The following MBL2 variants were observed in gnomAD, a reference collection of about 807,000 sequenced individuals.
The protein encoded by MBL2 is mannose-binding protein C.
In MBL2, 6 loss-of-function variants were observed where a neutral mutation model predicts 12.7. That is an observed-to-expected ratio of 0.47 (90% confidence interval 0.26 to 0.94). MBL2 has a LOEUF of 0.94. Among genes scored for constraint, MBL2 ranks in the 40% least tolerant of loss-of-function variants. The pLI is 0.15. For missense variants in MBL2, 307 were observed against 295.2 expected (o/e 1.04, Z -0.29); for synonymous variants, 114 against 112.0 (o/e 1.02, Z -0.11).
chr10:52,772,325 C>A (rs1224628785), intron 1 of MBL2, among the ~76,000 whole-genome samples: 3 of 152,100 alleles, frequency 2.0e-5, no homozygotes, highest in African/African-American at 7.2e-5. Flanking sequence ...GTGCTAAATA[C>A]CTCTCTACTT....
In MBL2 at chr10:52,768,125, T is replaced by A. The variant is rs752152264; in HGVS notation, c.*12A>T. ...AGTAAAAAGACAAGGAGGGCCTGAGTGATATGACCCTTCAGATAGGGAACT... is the reference window on the plus strand; with the variant it reads ...AGTAAAAAGACAAGGAGGGCCTGAGAGATATGACCCTTCAGATAGGGAACT... On this transcript the variant is annotated 3_prime_UTR_variant, in exon 5 of 5. Coordinates refer to ENST00000674931, the MANE Select transcript of MBL2 (RefSeq NM_001378373.1). 2 of 1,581,166 alleles carry A rather than the reference T, an allele frequency of 1.3e-6. No individual in the cohort carries two copies. The highest frequency in any genetic ancestry group is 2.2e-5 in the East Asian group (1 of 44,582).
Position 52,767,295 on chromosome 10 carries a change from C to G in MBL2, c.*842G>C, listed in dbSNP as rs775830842. The G allele has an allele frequency of 2.6e-5, 4 of 151,946 alleles. No homozygotes were observed. Among genetic ancestry groups the G allele is most frequent in the Non-Finnish European group, 5.9e-5 (4 of 68,012 alleles). 9.4% of individuals were successfully genotyped at this position (151,946 alleles called of 1,614,324 possible). A position where few individuals can be genotyped will look rare whatever the true frequency, so the allele number is the denominator to read the frequency against. On this transcript the variant is annotated 3_prime_UTR_variant, in exon 5 of 5. Transcript: ENST00000674931. Reference sequence around the variant, plus strand: ...ACTGAGGAATATTAATATAAGGGAACCCTACATGGCAATGAAAAGGATGAA... The same window carrying G: ...ACTGAGGAATATTAATATAAGGGAAGCCTACATGGCAATGAAAAGGATGAA...
rs1564436810 is a variant in MBL2 at position 52,771,734 on chromosome 10, G to C, written c.-9-90C>G. Reference sequence around the variant, plus strand: ...CCTCTGTCCTACAATCTGGGTGCAGGCTATATAGAAATAGATGACCCATCC... The same window carrying C: ...CCTCTGTCCTACAATCTGGGTGCAGCCTATATAGAAATAGATGACCCATCC... On this transcript the variant is annotated intron_variant, in intron 1 of 4. Coordinates refer to ENST00000674931, the MANE Select transcript of MBL2 (RefSeq NM_001378373.1). 3 of 1,474,608 alleles carry C rather than the reference G, an allele frequency of 2.0e-6. No individual in the cohort carries two copies. The East Asian group carries it at 7.5e-5, about 37-fold the overall frequency. 91.3% of individuals were successfully genotyped at this position (1,474,608 alleles called of 1,614,324 possible). A position where few individuals can be genotyped will look rare whatever the true frequency, so the allele number is the denominator to read the frequency against.
intron 2 of MBL2, among the ~76,000 whole-genome samples, 190 bp from the exon 3 acceptor site, chr10:52,770,976 G>A (rs1250003100): frequency 6.6e-6 from 1 of 152,208 alleles, no homozygotes; most frequent in Non-Finnish European, 1.5e-5. Flanking sequence ...TTGCCACGTG[G>A]AGGTTGCTGC....
intron 2 of MBL2, 127 bp downstream of exon 2, chr10:52,771,322 A>G: frequency 9.5e-7 from 1 of 1,051,120 alleles, no homozygotes; most frequent in Non-Finnish European, 1.4e-6. Flanking sequence ...TGAGAGCTGA[A>G]TCTCTGTTTT....
At chr10:52,772,697 T>C (rs931435797) in intron 1 of MBL2, 40 bp downstream of exon 1, 1 of 984,522 alleles carries the variant, frequency 1.0e-6, no homozygotes, top group African/African-American at 1.7e-5. Context: ...CCCAAACCCT[T>C]GATCCGGAAA....
rs577754412 is a variant in MBL2 at position 52,767,333 on chromosome 10, A to G, written c.*804T>C. 131 of 152,168 alleles carry G rather than the reference A, an allele frequency of 8.6e-4. 1 individual carries two copies. Among genetic ancestry groups the G allele is most frequent in the African/African-American group, 2.9e-3 (121 of 41,428 alleles). The allele number at this position is 152,168 out of a possible 1,614,324, so 9.4% of individuals were successfully genotyped here. The stretch of plus-strand genomic sequence containing the variant: ...TGAAAAGGATGAAACTTTTGTACAC[A>G]TGACATGAATGAATCTCACAGACTT... On this transcript the variant is annotated 3_prime_UTR_variant, in exon 5 of 5. Transcript: ENST00000674931.
Position 52,767,667 on chromosome 10 carries a change from T to C in MBL2, c.*470A>G, listed in dbSNP as rs1486042704. 1 of 152,260 alleles carries C rather than the reference T, an allele frequency of 6.6e-6. No individual in the cohort carries two copies. Among genetic ancestry groups the C allele is most frequent in the Admixed American group, 6.5e-5 (1 of 15,276 alleles). 9.4% of individuals were successfully genotyped at this position (152,260 alleles called of 1,614,324 possible). A position where few individuals can be genotyped will look rare whatever the true frequency, so the allele number is the denominator to read the frequency against. On this transcript the variant is annotated 3_prime_UTR_variant, in exon 5 of 5. Transcript: ENST00000674931. ...AGAAAACAGAGTTCATAGAGAAAGT[T>C]ACAAAATAGATTTTCTTAATACCTG...
At position 52,770,818 on chromosome 10, in the gene MBL2, A is replaced by G. The variant is rs1840379653; in HGVS notation, c.188-32T>C. 13 of 1,202,250 alleles carry G rather than the reference A, an allele frequency of 1.1e-5. No homozygotes were observed. In the East Asian group the frequency reaches 3.0e-4, roughly 28 times the overall value. 74.5% of individuals were successfully genotyped at this position (1,202,250 alleles called of 1,614,324 possible). A position where few individuals can be genotyped will look rare whatever the true frequency, so the allele number is the denominator to read the frequency against. On this transcript the variant is annotated intron_variant, in intron 2 of 4. Coordinates refer to ENST00000674931, the MANE Select transcript of MBL2 (RefSeq NM_001378373.1). ...GAAGACAAAGGAAATGTGACTTAATATCTATGTTCTTGCTCTCTCTCTTCA... is the reference window on the plus strand; with the variant it reads ...GAAGACAAAGGAAATGTGACTTAATGTCTATGTTCTTGCTCTCTCTCTTCA...
chr10:52,769,352 G>GAACAAAGTA, intron 3 of MBL2, 37 bp from the exon 4 acceptor site: 1 of 1,380,296 alleles, frequency 7.2e-7, no homozygotes, highest in Admixed American at 1.7e-5. Flanking sequence ...GCATTGTTGA[G>GAACAAAGTA]AAGGAGCCTC....
At position 52,768,080 on chromosome 10, in the gene MBL2, A is replaced by G. The variant is rs1212531738; in HGVS notation, c.*57T>C. 31 of 1,517,214 alleles carry G rather than the reference A, an allele frequency of 2.0e-5. No homozygotes were observed. Among genetic ancestry groups the G allele is most frequent in the Non-Finnish European group, 2.7e-5 (31 of 1,133,178 alleles). 94.0% of individuals were successfully genotyped at this position (1,517,214 alleles called of 1,614,324 possible). A position where few individuals can be genotyped will look rare whatever the true frequency, so the allele number is the denominator to read the frequency against. On this transcript the variant is annotated 3_prime_UTR_variant, in exon 5 of 5. Transcript: ENST00000674931. ...TGATATAATTTATCTTTTCAAGCAT[A>G]CTGTGGGCCTGTGGGTTGCAGTAAA...
chr10:52,771,637 G>C lies in MBL2; in HGVS notation c.-2C>G. The C allele has an allele frequency of 6.2e-7, 1 of 1,612,954 alleles. No homozygotes were observed. The highest frequency in any genetic ancestry group is 8.5e-7 in the Non-Finnish European group (1 of 1,179,354). On this transcript the variant is annotated 5_prime_UTR_variant, in exon 2 of 5. Coordinates refer to ENST00000674931, the MANE Select transcript of MBL2 (RefSeq NM_001378373.1). ...AGGGAGTGATGGAAACAGGGACATGGTCCTCACCTTGGTGTGAGAAAACTC... is the reference window on the plus strand; with the variant it reads ...AGGGAGTGATGGAAACAGGGACATGCTCCTCACCTTGGTGTGAGAAAACTC...
chr10:52,768,257 G>A lies in MBL2; in HGVS notation c.627C>T (p.Asn209=), dbSNP rs370867162. ...TGNRLTYTNW[N]EGEPNNAGSD... Reference sequence around the variant, plus strand: ...AACCAGCATTGTTGGGTTCACCCTCGTTCCAGTTTGTGTAGGTCAGTCTAT... The same window carrying A: ...AACCAGCATTGTTGGGTTCACCCTCATTCCAGTTTGTGTAGGTCAGTCTAT... Residue 209 remains asparagine (N), a synonymous_variant, in exon 5 of 5, where the codon AAC becomes AAT. Transcript: ENST00000674931. 4.2e-5 allele frequency: 68 copies of A among 1,613,802 alleles called. No homozygotes were observed. The highest frequency in any genetic ancestry group is 1.1e-4 in the East Asian group (5 of 44,878).
intron 4 of MBL2, 42 bp from the exon 5 acceptor site, chr10:52,768,552 C>A (rs1589870470): frequency 2.1e-6 from 3 of 1,430,208 alleles, no homozygotes; most frequent in Non-Finnish European, 2.8e-6. Flanking sequence ...CATCCTTAAG[C>A]CCAACTCAAG....
At position 52,771,455 on chromosome 10, in the gene MBL2, C is replaced by A. The variant is rs774585786; in HGVS notation, c.181G>T (p.Glu61Ter). 5.6e-6 allele frequency: 9 copies of A among 1,613,694 alleles called. No individual in the cohort carries two copies. The South Asian group carries it at 7.7e-5, about 14-fold the overall frequency. ...AGAACAGCCCAACACGTACCTGGTT[C>A]CCCCTTTTCTCCCTTGGTGCCATCA... The part of the protein sequence containing the change: ...GRDGTKGEKG[E>*]PGQGLRGLQG... Residue 61 changes from glutamate to a stop codon, truncating the protein, a stop_gained, in exon 2 of 5, where the codon GAA (glutamate) becomes TAA (stop). Coordinates refer to ENST00000674931, the MANE Select transcript of MBL2 (RefSeq NM_001378373.1). LOFTEE classifies it high-confidence loss of function.
Position 52,766,555 on chromosome 10 carries a change from A to G in MBL2, c.*1582T>C, listed in dbSNP as rs920163824. ...ATATCTTCATGATTTCAAAATCATG[A>G]AAAATCTCTTCATGGTTTCAAAATC... On this transcript the variant is annotated 3_prime_UTR_variant, in exon 5 of 5. Transcript: ENST00000674931. 1 of 152,176 alleles carries G rather than the reference A, an allele frequency of 6.6e-6. No individual in the cohort carries two copies. The highest frequency in any genetic ancestry group is 2.4e-5 in the African/African-American group (1 of 41,454). The allele number at this position is 152,176 out of a possible 1,614,324, so 9.4% of individuals were successfully genotyped here.
Position 52,768,250 on chromosome 10 carries a change from C to A in MBL2, c.634G>T (p.Glu212Ter). Residue 212 changes from glutamate (E) to a stop codon, truncating the protein, a stop_gained, in exon 5 of 5, where the codon GAA becomes TAA. Coordinates refer to ENST00000674931, the MANE Select transcript of MBL2 (RefSeq NM_001378373.1). LOFTEE classifies it low-confidence loss of function (END_TRUNC). ...RLTYTNWNEGEPNNAGSDEDC... is the reference protein window; with the variant it reads ...RLTYTNWNEG ...TCATCAGAACCAGCATTGTTGGGTT[C>A]ACCCTCGTTCCAGTTTGTGTAGGTC... is the stretch of plus-strand genomic sequence containing the variant. 1 of 1,613,870 alleles carries A rather than the reference C, an allele frequency of 6.2e-7. No homozygotes were observed. The highest frequency in any genetic ancestry group is 8.5e-7 in the Non-Finnish European group (1 of 1,180,018).
rs781484489 is a variant in MBL2, at chr10:52,768,340, C to G, written c.544G>C (p.Ala182Pro). 1.5e-5 allele frequency: 24 copies of G among 1,613,856 alleles called. No homozygotes were observed. The African/African-American group carries it at 2.8e-4, about 19-fold the overall frequency. ...TTCTCATCAGTGATGCCCAGGAAGG[C>G]TTCCTCCTTGATGAGATTCTGAATG... ...GAIQNLIKEE[A>P]FLGITDEKTE... The change falls in exon 5 of 5, where the codon GCC becomes CCC. Residue 182 changes from alanine to proline, a missense_variant. Coordinates refer to ENST00000674931, the MANE Select transcript of MBL2 (RefSeq NM_001378373.1).
chr10:52,771,830 G>T, intron 1 of MBL2, 186 bp from the exon 2 acceptor site: 1 of 781,592 alleles, frequency 1.3e-6, no homozygotes, highest in Non-Finnish European at 1.9e-6. Context: ...CTTTAACAAA[G>T]GTAGGCACTA....
Sources: gnomAD v4.1 joint callset for allele counts (sites outside exome capture counted in the v4.1 genomes callset) on GRCh38, gnomAD v4.1.1 for gene constraint, MANE v1.5 for transcripts, NCBI Gene and HGNC (gene_info 2026-07-23, HGNC 2026-07-21) for gene names.